Variants in CYP20A1 observed in about 807,000 individuals in gnomAD.
CYP20A1 encodes the protein cytochrome P450 20A1.
Under a neutral mutation model 61.4 loss-of-function variants are expected in CYP20A1, and 61 were observed. The ratio of observed to expected loss-of-function variants is 0.99; its 90% CI spans 0.81 to 1.23. CYP20A1 has a LOEUF of 1.23. Among genes scored for constraint, CYP20A1 ranks in the 50% most tolerant of loss-of-function variants. The probability of loss-of-function intolerance (pLI) is 0.00; values close to 1 mark genes in which losing one functional copy is unlikely to be tolerated. For synonymous variants in CYP20A1, 193 were observed against 188.2 expected, an observed-to-expected ratio of 1.03 and a Z score of -0.21; for missense variants, 530 against 542.4, an observed-to-expected ratio of 0.98 and a Z score of 0.23.
intron 3 of CYP20A1, among the ~76,000 whole-genome samples, chr2:203,247,878 G>A (rs1428870220): frequency 1.3e-5 from 2 of 151,708 alleles, no homozygotes; most frequent in African/African-American, 2.4e-5. Flanking sequence ...GAATATTAAT[G>A]AGGGAAATAC....
intron 2 of CYP20A1, 72 bp from the exon 3 acceptor site, chr2:203,246,683 A>G: frequency 7.0e-7 from 1 of 1,437,750 alleles, no homozygotes; most frequent in Non-Finnish European, 9.6e-7. Context: ...CAGTTAATTC[A>G]GAGTCAACTG....
At chr2:203,242,657 G>A (rs1183626381) in intron 1 of CYP20A1, among the ~76,000 whole-genome samples, 8 of 151,972 alleles carry the variant, frequency 5.3e-5, no homozygotes, top group Admixed American at 4.6e-4. Flanking sequence ...GGTGGTGAGC[G>A]TCCGTGGTCC....
chr2:203,272,723 G>T lies in CYP20A1; in HGVS notation c.654G>T (p.Met218Ile). 6.2e-7 allele frequency: 1 copy of T among 1,603,706 alleles called. No individual in the cohort carries two copies. The highest frequency in any genetic ancestry group is 1.1e-5 in the South Asian group (1 of 88,200). The change falls in exon 6 of 13, where the codon ATG (methionine) becomes ATT (isoleucine). Residue 218 changes from methionine to isoleucine, a missense_variant. Met to Ile is a conservative substitution (Grantham distance 10). Coordinates refer to ENST00000356079, the MANE Select transcript of CYP20A1 (RefSeq NM_177538.3). The stretch of plus-strand genomic sequence containing the variant: ...TAGATGGGTCACTTGATAAAAACAT[G>T]ACTCGGAAAAAACAATATGAAGATG... ...GFLDGSLDKN[M>I]TRKKQYEDAL...
Position 203,297,331 on chromosome 2 carries a change from G to C in CYP20A1, c.*423G>C, listed in dbSNP as rs888264758. On this transcript the variant is annotated 3_prime_UTR_variant, in exon 13 of 13. Coordinates refer to ENST00000356079, the MANE Select transcript of CYP20A1 (RefSeq NM_177538.3). ...CACCTGTAATCCCTACACTTTGGGA[G>C]GCTGAGGCAGGTGGATCACCTGAGG... 6.3e-6 allele frequency: 1 copy of C among 158,072 alleles called. No individual in the cohort carries two copies. Among genetic ancestry groups the C allele is most frequent in the South Asian group, 1.8e-4 (1 of 5,442 alleles). The allele number at this position is 158,072 out of a possible 1,614,324, so 9.8% of individuals were successfully genotyped here.
chr2:203,283,730 G>A (rs1408648413), intron 8 of CYP20A1, among the ~76,000 whole-genome samples: 2 of 150,782 alleles, frequency 1.3e-5, no homozygotes, highest in African/African-American at 4.9e-5. Flanking sequence ...TGTATTTTTA[G>A]TAGAGACAGG....
Position 203,278,613 on chromosome 2 carries a change from A to G in CYP20A1, c.720A>G (p.Lys240=). The part of the protein sequence containing the change: ...QLESVLRNII[K]ERKGRNFSQH... ...AGTCTGTTTTAAGGAACATCATAAA[A>G]GAACGAAAAGGAAGGAACTTCAGTC... Residue 240 remains lysine, a synonymous_variant, in exon 7 of 13, where the codon AAA becomes AAG. Coordinates refer to ENST00000356079, the MANE Select transcript of CYP20A1 (RefSeq NM_177538.3). The G allele has an allele frequency of 2.5e-6, 4 of 1,607,292 alleles. No individual in the cohort carries two copies. The highest frequency in any genetic ancestry group is 3.4e-6 in the Non-Finnish European group (4 of 1,177,198).
chr2:203,257,594 C>A (rs2066940581), intron 4 of CYP20A1, among the ~76,000 whole-genome samples: 1 of 151,886 alleles, frequency 6.6e-6, no homozygotes, highest in Non-Finnish European at 1.5e-5. Flanking sequence ...TCAAGACCAG[C>A]CTGGCCAACA....
chr2:203,294,941 A>AGTTTTTTT (rs2068718528), intron 11 of CYP20A1, among the ~76,000 whole-genome samples: 1 of 45,434 alleles, frequency 2.2e-5, no homozygotes, highest in Non-Finnish European at 3.9e-5. Context: ...CTTTAAAAAA[A>AGTTTTTTT]TTTTTTTTTT....
intron 11 of CYP20A1, 39 bp from the exon 12 acceptor site, chr2:203,296,435 T>C: frequency 1.6e-6 from 2 of 1,271,224 alleles, no homozygotes; most frequent in Non-Finnish European, 2.3e-6. Context: ...AAGATGCCAG[T>C]GGAGCTATAT....
intron 8 of CYP20A1, among the ~76,000 whole-genome samples, chr2:203,284,060 A>G (rs2068161393): frequency 6.6e-6 from 1 of 152,228 alleles, no homozygotes; most frequent in Non-Finnish European, 1.5e-5. Context: ...ATATGTAGGG[A>G]AAAGTTAAGG....
intron 4 of CYP20A1, among the ~76,000 whole-genome samples, chr2:203,262,749 C>T (rs1024516749): frequency 6.6e-6 from 1 of 151,726 alleles, no homozygotes. Context: ...AGTGCACTGG[C>T]GCGATCTCGG....
At position 203,296,849 on chromosome 2, in the gene CYP20A1, T is replaced by G. The variant is rs1276756313; in HGVS notation, c.1330T>G (p.Tyr444Asp). 1 of 1,610,678 alleles carries G rather than the reference T, an allele frequency of 6.2e-7. No homozygotes were observed. The highest frequency in any genetic ancestry group is 8.5e-7 in the Non-Finnish European group (1 of 1,178,770). The stretch of plus-strand genomic sequence containing the variant: ...GGAGGGACAGGTTATTGAAACAAAG[T>G]ATGAACTGGTAACATCATCAAGGGA... ...SVEGQVIETK[Y>D]ELVTSSREEA... Residue 444 changes from tyrosine (Y) to aspartate (D), a missense_variant, in exon 13 of 13, where the codon TAT becomes GAT. Physicochemically the swap from Tyr to Asp is radical, Grantham distance 160. Coordinates refer to ENST00000356079, the MANE Select transcript of CYP20A1 (RefSeq NM_177538.3).
Position 203,296,999 on chromosome 2 carries a change from C to A in CYP20A1, c.*91C>A. 1.4e-6 allele frequency: 1 copy of A among 738,990 alleles called. No homozygotes were observed. The highest frequency in any genetic ancestry group is 2.1e-6 in the Non-Finnish European group (1 of 469,194). The allele number at this position is 738,990 out of a possible 1,614,324, so 45.8% of individuals were successfully genotyped here. A position where few individuals can be genotyped will look rare whatever the true frequency, so the allele number is the denominator to read the frequency against. The stretch of plus-strand genomic sequence containing the variant: ...GTTGAATCCTTTTATAAACCAGTAT[C>A]ACTTTGTAATATAAACACCTATTTG... On this transcript the variant is annotated 3_prime_UTR_variant, in exon 13 of 13. Transcript: ENST00000356079.
At chr2:203,283,852 T>C (rs184188873) in intron 8 of CYP20A1, among the ~76,000 whole-genome samples, 1 of 152,234 alleles carries the variant, frequency 6.6e-6, no homozygotes, top group East Asian at 1.9e-4. Context: ...CGGCCTGTTA[T>C]ATTAATTTTA....
intron 4 of CYP20A1, among the ~76,000 whole-genome samples, chr2:203,265,509 C>T (rs1048743606): frequency 6.6e-6 from 1 of 152,130 alleles, no homozygotes; most frequent in African/African-American, 2.4e-5. Context: ...CACCCACATT[C>T]TGTTATTCAT....
intron 6 of CYP20A1, among the ~76,000 whole-genome samples, chr2:203,275,729 C>G (rs1045838762): frequency 6.6e-6 from 1 of 152,114 alleles, no homozygotes; most frequent in African/African-American, 2.4e-5. Context: ...CGTGAGCCAC[C>G]GTGCCTGGGA....
chr2:203,286,455 C>G (rs1178254227), intron 9 of CYP20A1, among the ~76,000 whole-genome samples: 1 of 39,720 alleles, frequency 2.5e-5, no homozygotes, highest in Non-Finnish European at 7.0e-5. Context: ...TTCAAATGTT[C>G]AACTGGTAAA....
chr2:203,292,633 A>G (rs1415777891), intron 11 of CYP20A1, among the ~76,000 whole-genome samples: 1 of 151,870 alleles, frequency 6.6e-6, no homozygotes, highest in African/African-American at 2.4e-5. Context: ...TCATTTTTGT[A>G]CTTTTTGTAC....
intron 8 of CYP20A1, among the ~76,000 whole-genome samples, chr2:203,281,124 TA>T (rs1350755618): frequency 6.6e-6 from 1 of 152,232 alleles, no homozygotes; most frequent in African/African-American, 2.4e-5. Context: ...ACTTGGTTTT[TA>T]GATTGGTGGA....
Sources: allele counts gnomAD v4.1 joint callset (sites outside exome capture counted in the v4.1 genomes callset), GRCh38; gene constraint gnomAD v4.1.1; transcripts MANE v1.5; gene names NCBI Gene and HGNC (gene_info 2026-07-23, HGNC 2026-07-21).